The following GALNTL6 variants were observed in gnomAD, a reference collection of about 807,000 sequenced individuals.
GALNTL6 encodes the protein polypeptide N-acetylgalactosaminyltransferase like 6, also known as polypeptide N-acetylgalactosaminyltransferase-like 6.
GALNTL6 carries 46 observed loss-of-function variants against 73.7 expected under a neutral mutation model. That is an observed-to-expected ratio of 0.62 (90% CI 0.49 to 0.80). The LOEUF (loss-of-function observed/expected upper bound fraction) is 0.80, where lower values mean the gene tolerates loss of function less well. Ranked by LOEUF, GALNTL6 falls within the 30% of genes least tolerant of loss-of-function variation. The pLI is 0.00. For synonymous variants in GALNTL6, 259 were observed against 263.7 expected (o/e 0.98, Z 0.17); for missense variants, 604 against 755.0 (o/e 0.80, Z 2.34).
intron 7 of GALNTL6, among the ~76,000 whole-genome samples, chr4:172,843,527 T>C (rs1743331316): frequency 6.6e-6 from 1 of 152,178 alleles, no homozygotes; most frequent in Admixed American, 6.5e-5. Context: ...ACAGTTTACT[T>C]TACTTTTCCT....
intron 2 of GALNTL6, among the ~76,000 whole-genome samples, chr4:172,119,249 T>C (rs1403737787): frequency 1.3e-5 from 2 of 152,188 alleles, no homozygotes; most frequent in Non-Finnish European, 2.9e-5. Flanking sequence ...AAGCTGTATT[T>C]TTCTCCATTA....
intron 5 of GALNTL6, among the ~76,000 whole-genome samples, chr4:172,562,409 C>T (rs1308670742): frequency 2.0e-5 from 3 of 152,212 alleles, no homozygotes; most frequent in East Asian, 1.9e-4. Context: ...TCAGAGCTCA[C>T]GGGCCCCATT....
chr4:172,158,647 A>G (rs1734359867), intron 2 of GALNTL6, among the ~76,000 whole-genome samples: 2 of 152,220 alleles, frequency 1.3e-5, no homozygotes, highest in South Asian at 4.1e-4. Context: ...ACAGATGCCC[A>G]GACCAAGTGG....
rs202109240 is a variant in GALNTL6, at chr4:172,114,494, A to G, written c.139-115162A>G. ...AAATAAAGGGATTGAACAAGTTGTC[A>G]ACTTACAGCTTTGACAATACTGCTA... On this transcript the variant is annotated intron_variant, in intron 2 of 12. Coordinates refer to ENST00000506823, the MANE Select transcript of GALNTL6 (RefSeq NM_001034845.3). Among the ~76,000 whole-genome samples the G allele has an allele frequency of 3.9e-5, 6 of 152,184 alleles. No homozygotes were observed. The East Asian group carries it at 9.7e-4, about 24-fold the overall frequency.
At chr4:171,894,151 A>AT (rs1476853393) in intron 2 of GALNTL6, among the ~76,000 whole-genome samples, 1 of 152,192 alleles carries the variant, frequency 6.6e-6, no homozygotes, top group Non-Finnish European at 1.5e-5. Flanking sequence ...TTCATGTATA[A>AT]TTTATACTCA....
intron 5 of GALNTL6, among the ~76,000 whole-genome samples, chr4:172,689,742 T>A (rs1579342119): frequency 1.3e-5 from 2 of 152,294 alleles, no homozygotes; most frequent in Non-Finnish European, 2.9e-5. Context: ...ACGCCAAATA[T>A]TTAACAGTGT....
intron 10 of GALNTL6, among the ~76,000 whole-genome samples, chr4:172,963,017 A>G (rs1750154242): frequency 6.6e-6 from 1 of 151,978 alleles, no homozygotes; most frequent in South Asian, 2.1e-4. Flanking sequence ...TCTAGGTAAA[A>G]ATGAAAGTCC....
intron 2 of GALNTL6, among the ~76,000 whole-genome samples, chr4:172,005,424 G>C (rs1740809583): frequency 6.6e-6 from 1 of 152,082 alleles, no homozygotes; most frequent in African/African-American, 2.4e-5. Context: ...ACTGCCCCAG[G>C]ACTTAAAAAG....
intron 2 of GALNTL6, among the ~76,000 whole-genome samples, chr4:171,969,131 G>A (rs1739486652): frequency 2.0e-5 from 3 of 152,048 alleles, no homozygotes; most frequent in Admixed American, 2.0e-4. Context: ...CACCGCGCCT[G>A]GCCTATCCCT....
chr4:172,687,058 A>G (rs1452969569), intron 5 of GALNTL6, among the ~76,000 whole-genome samples: 1 of 152,200 alleles, frequency 6.6e-6, no homozygotes, highest in East Asian at 1.9e-4. Flanking sequence ...GAAGCCAGTA[A>G]GTAACTAAGA....
At chr4:172,373,932 G>C (rs1346438059) in intron 5 of GALNTL6, among the ~76,000 whole-genome samples, 1 of 152,136 alleles carries the variant, frequency 6.6e-6, no homozygotes, top group Admixed American at 6.5e-5. Context: ...TCAATTTCCT[G>C]ACCCTAAGTG....
chr4:171,918,717 C>T (rs879389152), intron 2 of GALNTL6, among the ~76,000 whole-genome samples: 2 of 151,846 alleles, frequency 1.3e-5, no homozygotes, highest in African/African-American at 2.4e-5. Flanking sequence ...CAGCAGTATT[C>T]GCAACAGCCG....
At chr4:172,305,285 A>G (rs1042245625) in intron 3 of GALNTL6, among the ~76,000 whole-genome samples, 2 of 152,174 alleles carry the variant, frequency 1.3e-5, no homozygotes, top group African/African-American at 4.8e-5. Flanking sequence ...ATCTGCCTTA[A>G]GTATACATAG....
intron 9 of GALNTL6, among the ~76,000 whole-genome samples, chr4:172,938,883 C>T (rs563789563): frequency 6.6e-5 from 10 of 152,208 alleles, no homozygotes; most frequent in Admixed American, 2.6e-4. Flanking sequence ...ATAACTTTCT[C>T]TAATTCTTCC....
At chr4:172,867,604 A>G (rs989785660) in intron 7 of GALNTL6, among the ~76,000 whole-genome samples, 1 of 152,218 alleles carries the variant, frequency 6.6e-6, no homozygotes, top group Non-Finnish European at 1.5e-5. Flanking sequence ...AGGGCAAAGG[A>G]GACGAAGGTG....
chr4:172,810,981 T>C (rs768520735), intron 6 of GALNTL6, among the ~76,000 whole-genome samples: 7 of 143,232 alleles, frequency 4.9e-5, no homozygotes, highest in Non-Finnish European at 9.0e-5. Context: ...AAGAAGAAGA[T>C]AGAAAAAAAA....
intron 3 of GALNTL6, among the ~76,000 whole-genome samples, chr4:172,244,126 C>T (rs572654601): frequency 6.6e-6 from 1 of 151,964 alleles, no homozygotes; most frequent in South Asian, 2.1e-4. Flanking sequence ...GAGGTATTAC[C>T]AAAACAATAT....
intron 3 of GALNTL6, among the ~76,000 whole-genome samples, chr4:172,256,760 T>G (rs965894617): frequency 1.3e-5 from 2 of 151,482 alleles, no homozygotes; most frequent in Non-Finnish European, 3.0e-5. Flanking sequence ...TTCAGAGCAC[T>G]TGTTGCCACC....
Position 172,008,319 on chromosome 4 carries a change from T to C in GALNTL6, c.138+193601T>C, listed in dbSNP as rs1740898367. ...GTCTCTGTATGTTTTTGCATGAGTG[T>C]GCAGCAGCTTTTATGAGCTAAGTTG... On this transcript the variant is annotated intron_variant, in intron 2 of 12. Transcript: ENST00000506823. Among the ~76,000 whole-genome samples, 4 of 152,180 alleles carry C rather than the reference T, an allele frequency of 2.6e-5. No individual in the cohort carries two copies. The South Asian group carries it at 8.3e-4, about 31-fold the overall frequency.
Sources: gnomAD v4.1 joint callset for allele counts (sites outside exome capture counted in the v4.1 genomes callset) on GRCh38, gnomAD v4.1.1 for gene constraint, MANE v1.5 for transcripts, NCBI Gene and HGNC (gene_info 2026-07-23, HGNC 2026-07-21) for gene names.